LRRC37A2: variants seen among roughly 807,000 people sequenced by gnomAD.
LRRC37A2 encodes the protein leucine-rich repeat-containing protein 37A2.
A neutral mutation model predicts 68.8 loss-of-function variants in LRRC37A2; 9 were observed. The ratio of observed to expected loss-of-function variants is 0.13; its 90% CI spans 0.08 to 0.23. The LOEUF is 0.23. Ranked by LOEUF, LRRC37A2 falls within the 10% of genes least tolerant of loss-of-function variation. The pLI, the probability that LRRC37A2 is intolerant of heterozygous loss-of-function variation, is 1.00. For missense variants in LRRC37A2, 168 were observed against 950.4 expected (o/e 0.18, Z 10.82); for synonymous variants, 63 against 367.6 (o/e 0.17, Z 9.48).
the LRRC37A2 span, among the ~76,000 whole-genome samples, chr17:46,820,395 G>C: frequency 3.9e-5 from 6 of 152,128 alleles, no homozygotes; most frequent in East Asian, 1.2e-3. Context: ...AGAGAGAGGG[G>C]CTCAGAGATG....
At chr17:46,820,142 C>T in the LRRC37A2 span, among the ~76,000 whole-genome samples, 28 of 152,320 alleles carry the variant, frequency 1.8e-4, no homozygotes, top group South Asian at 2.3e-3. Flanking sequence ...TGATCTGAGC[C>T]CCCCGTACCC....
At chr17:46,740,771 C>T in the LRRC37A2 span, among the ~76,000 whole-genome samples, 1 of 151,590 alleles carries the variant, frequency 6.6e-6, no homozygotes, top group Non-Finnish European at 1.5e-5. Context: ...AAGTGATTCT[C>T]CTACCTCAGC....
At chr17:46,917,229 C>T in the LRRC37A2 span, 1 of 152,192 alleles carries the variant, frequency 6.6e-6, no homozygotes, top group African/African-American at 2.4e-5. Flanking sequence ...ATAGGTGAGA[C>T]TCAAGGCATG....
At chr17:47,016,158 T>C in the LRRC37A2 span, among the ~76,000 whole-genome samples, 1 of 152,108 alleles carries the variant, frequency 6.6e-6, no homozygotes, top group Admixed American at 6.6e-5. Flanking sequence ...TTGGTCAGGC[T>C]GGTCTCGAAC....
chr17:46,548,115 G>A, intron 9 of LRRC37A2, 197 bp from the exon 9 acceptor site: 80 of 128,834 alleles, frequency 6.2e-4, no homozygotes, highest in Admixed American at 3.0e-3. Context: ...GTAGGTGGCC[G>A]TGTTTTCAAA....
At chr17:46,761,160 C>T in the LRRC37A2 span, among the ~76,000 whole-genome samples, 2 of 152,248 alleles carry the variant, frequency 1.3e-5, no homozygotes, top group East Asian at 1.9e-4. Flanking sequence ...TGAAGTGTAA[C>T]AGTTTTTGTG....
chr17:46,753,015 C>T, the LRRC37A2 span, among the ~76,000 whole-genome samples: 14 of 152,228 alleles, frequency 9.2e-5, no homozygotes, highest in Non-Finnish European at 1.8e-4. Flanking sequence ...GTGATCTGCC[C>T]GCCTCGGCCT....
the LRRC37A2 span, among the ~76,000 whole-genome samples, chr17:46,416,514 G>A: frequency 1.7e-4 from 1 of 5,734 alleles, no homozygotes; most frequent in Admixed American, 1.1e-3. Flanking sequence ...TCGAACTCCC[G>A]ACCTCAGGTG....
chr17:46,516,114 C>T (rs1366136016), intron 2 of LRRC37A2, among the ~76,000 whole-genome samples: 1 of 146,422 alleles, frequency 6.8e-6, no homozygotes, highest in African/African-American at 2.6e-5. Flanking sequence ...TCCTGGCTAA[C>T]ATGGTGAAAC....
chr17:47,036,777 T>C, the LRRC37A2 span, among the ~76,000 whole-genome samples: 1 of 151,224 alleles, frequency 6.6e-6, no homozygotes, highest in Non-Finnish European at 1.5e-5. Flanking sequence ...ATTTGAGTCT[T>C]CCCACTTTGT....
At chr17:46,492,378 A>T in the LRRC37A2 span, among the ~76,000 whole-genome samples, 1 of 151,006 alleles carries the variant, frequency 6.6e-6, no homozygotes, top group Non-Finnish European at 1.5e-5. Flanking sequence ...GCTGAGTAGC[A>T]GTCCTTTATA....
chr17:46,827,066 C>T, the LRRC37A2 span, among the ~76,000 whole-genome samples: 2 of 152,192 alleles, frequency 1.3e-5, no homozygotes, highest in African/African-American at 4.8e-5. Flanking sequence ...CATGAGCCAC[C>T]ATGCCCAGCC....
At chr17:46,928,560 G>C in the LRRC37A2 span, among the ~76,000 whole-genome samples, 2 of 152,158 alleles carry the variant, frequency 1.3e-5, no homozygotes, top group Non-Finnish European at 2.9e-5. Context: ...TGGCCAGACC[G>C]TGGGAAGCCT....
the LRRC37A2 span, among the ~76,000 whole-genome samples, chr17:46,986,076 A>G: frequency 1.3e-5 from 2 of 152,126 alleles, no homozygotes; most frequent in Admixed American, 6.5e-5. Context: ...TTTCATTGCT[A>G]TAGGACTTCT....
At chr17:46,854,973 T>C in the LRRC37A2 span, among the ~76,000 whole-genome samples, 1 of 152,196 alleles carries the variant, frequency 6.6e-6, no homozygotes, top group African/African-American at 2.4e-5. Flanking sequence ...CACTTTCTCA[T>C]ACAGCCATCT....
the LRRC37A2 span, chr17:46,979,079 C>T: frequency 3.8e-6 from 5 of 1,310,772 alleles, no homozygotes; most frequent in Non-Finnish European, 4.8e-6. Flanking sequence ...TCCGCGCTCT[C>T]AGGGACGCTC....
chr17:46,979,143 TG>T, the LRRC37A2 span: 1 of 966,116 alleles, frequency 1.0e-6, no homozygotes. Flanking sequence ...GGCGGGAGGC[TG>T]GCTGCCTGCG....
At chr17:46,985,946 C>T in the LRRC37A2 span, among the ~76,000 whole-genome samples, 3 of 152,180 alleles carry the variant, frequency 2.0e-5, no homozygotes, top group Admixed American at 2.0e-4. Context: ...ACTGCCTGGG[C>T]CTCTGGTACC....
At chr17:46,956,888 G>A in the LRRC37A2 span, among the ~76,000 whole-genome samples, 1 of 152,192 alleles carries the variant, frequency 6.6e-6, no homozygotes, top group Non-Finnish European at 1.5e-5. Flanking sequence ...GGCAAGAAAG[G>A]ATGCTAATGG....
Sources: allele counts gnomAD v4.1 joint callset (sites outside exome capture counted in the v4.1 genomes callset), GRCh38; gene constraint gnomAD v4.1.1; transcripts MANE v1.5; gene names NCBI Gene and HGNC (gene_info 2026-07-23, HGNC 2026-07-21).